NKAIN2: variants seen among roughly 807,000 people sequenced by gnomAD.
NKAIN2 encodes sodium/potassium-transporting ATPase subunit beta-1-interacting protein 2.
Under a neutral mutation model 32.6 loss-of-function variants are expected in NKAIN2, and 14 were observed. The ratio of observed to expected loss-of-function variants is 0.43; its 90% CI spans 0.28 to 0.67. NKAIN2 has a LOEUF of 0.67. Ranked by LOEUF, NKAIN2 falls within the 30% of genes least tolerant of loss-of-function variation. The pLI is 0.17. For missense variants in NKAIN2, 198 were observed against 258.3 expected, an observed-to-expected ratio of 0.77 and a Z score of 1.60; for synonymous variants, 80 against 87.2, an observed-to-expected ratio of 0.92 and a Z score of 0.46.
chr6:124,547,177 A>T (rs1361167255), intron 3 of NKAIN2, among the ~76,000 whole-genome samples: 1 of 152,218 alleles, frequency 6.6e-6, no homozygotes, highest in Non-Finnish European at 1.5e-5. Flanking sequence ...TTTAAAGACA[A>T]AGTGAGAAAC....
chr6:124,136,742 T>G (rs1786811980), intron 1 of NKAIN2, among the ~76,000 whole-genome samples: 1 of 151,988 alleles, frequency 6.6e-6, no homozygotes, highest in Non-Finnish European at 1.5e-5. Flanking sequence ...ATAAACAGAA[T>G]TAAAAACAAA....
intron 1 of NKAIN2, among the ~76,000 whole-genome samples, chr6:124,024,635 A>G (rs1212999038): frequency 6.6e-6 from 1 of 151,914 alleles, no homozygotes; most frequent in Non-Finnish European, 1.5e-5. Context: ...ATGTTATAAT[A>G]GCCGTGATTA....
chr6:124,226,128 A>G (rs1792093366), intron 1 of NKAIN2, among the ~76,000 whole-genome samples: 1 of 151,932 alleles, frequency 6.6e-6, no homozygotes, highest in African/African-American at 2.4e-5. Flanking sequence ...TTTACTACAA[A>G]AAGCTTGGAA....
intron 1 of NKAIN2, among the ~76,000 whole-genome samples, chr6:124,135,442 G>A (rs1262359792): frequency 1.4e-5 from 2 of 142,102 alleles, no homozygotes; most frequent in Non-Finnish European, 3.0e-5. Context: ...GATATTCCAC[G>A]CAAATGAAAA....
intron 3 of NKAIN2, among the ~76,000 whole-genome samples, chr6:124,573,745 A>T (rs2114923789): frequency 6.6e-6 from 1 of 152,326 alleles, no homozygotes; most frequent in South Asian, 2.1e-4. Flanking sequence ...CTACATATAT[A>T]TGAATGATGT....
chr6:124,535,519 C>A (rs571706915), intron 3 of NKAIN2, among the ~76,000 whole-genome samples: 1 of 152,278 alleles, frequency 6.6e-6, no homozygotes, highest in African/African-American at 2.4e-5. Context: ...AAAGAGTAAA[C>A]AAAGCCAACG....
At chr6:124,095,885 G>A (rs908637790) in intron 1 of NKAIN2, among the ~76,000 whole-genome samples, 1 of 152,138 alleles carries the variant, frequency 6.6e-6, no homozygotes, top group Non-Finnish European at 1.5e-5. Flanking sequence ...TCAAATCAAA[G>A]TTTCAATCTT....
chr6:124,566,935 A>G (rs1458231646), intron 3 of NKAIN2, among the ~76,000 whole-genome samples: 1 of 152,162 alleles, frequency 6.6e-6, no homozygotes, highest in African/African-American at 2.4e-5. Context: ...AAGTTTGTAA[A>G]ACACTCATCA....
intron 1 of NKAIN2, among the ~76,000 whole-genome samples, chr6:124,273,840 G>C (rs1303876016): frequency 6.6e-6 from 1 of 152,148 alleles, no homozygotes; most frequent in Admixed American, 6.5e-5. Context: ...GAAATTCAAG[G>C]TTAAATGGAC....
At chr6:123,956,636 G>A (rs917849085) in intron 1 of NKAIN2, among the ~76,000 whole-genome samples, 5 of 152,170 alleles carry the variant, frequency 3.3e-5, no homozygotes, top group Admixed American at 1.3e-4. Flanking sequence ...ATGGCAGCCT[G>A]AGCTGATGAA....
chr6:124,139,571 G>A (rs1201430283), intron 1 of NKAIN2, among the ~76,000 whole-genome samples: 1 of 152,070 alleles, frequency 6.6e-6, no homozygotes, highest in Non-Finnish European at 1.5e-5. Flanking sequence ...TAGAAAAAGA[G>A]TTTCACTTAA....
intron 2 of NKAIN2, among the ~76,000 whole-genome samples, chr6:124,311,462 C>T (rs1361795359): frequency 6.6e-6 from 1 of 151,956 alleles, no homozygotes; most frequent in Admixed American, 6.6e-5. Flanking sequence ...TCTGGGCCAC[C>T]CTGAAAATAT....
chr6:124,572,267 T>G (rs1781155934), intron 3 of NKAIN2, among the ~76,000 whole-genome samples: 1 of 152,220 alleles, frequency 6.6e-6, no homozygotes, highest in Non-Finnish European at 1.5e-5. Flanking sequence ...AAAATGCTAA[T>G]TTCTTCCAAT....
chr6:123,877,083 T>A (rs1055436138), intron 1 of NKAIN2, among the ~76,000 whole-genome samples: 1 of 152,188 alleles, frequency 6.6e-6, no homozygotes, highest in Non-Finnish European at 1.5e-5. Context: ...AAAATTATAA[T>A]AACAATTAGA....
chr6:124,571,053 G>C (rs1166558840), intron 3 of NKAIN2, among the ~76,000 whole-genome samples: 1 of 149,524 alleles, frequency 6.7e-6, no homozygotes, highest in African/African-American at 2.6e-5. Flanking sequence ...AATTTGACTG[G>C]CTCACTGGAT....
chr6:124,068,261 T>C (rs749633464), intron 1 of NKAIN2, among the ~76,000 whole-genome samples: 1 of 152,170 alleles, frequency 6.6e-6, no homozygotes, highest in Non-Finnish European at 1.5e-5. Flanking sequence ...TAATGTATAA[T>C]ACACTCACTC....
chr6:123,950,112 AC>A lies in NKAIN2; in HGVS notation c.54+145860del, dbSNP rs536187996. On this transcript the variant is annotated intron_variant, in intron 1 of 6. Coordinates refer to ENST00000368417, the MANE Select transcript of NKAIN2 (RefSeq NM_001040214.3). The stretch of plus-strand genomic sequence containing the variant: ...ATGTTGATTGATTTTCATATGTAGA[AC>A]CATCCTTGCATCACTGGGATAAATC... Among the ~76,000 whole-genome samples the A allele has an allele frequency of 9.4e-4, 143 of 152,162 alleles. 1 individual carries two copies. The highest frequency in any genetic ancestry group is 3.3e-3 in the African/African-American group (138 of 41,558).
At chr6:123,997,085 C>T (rs1779649874) in intron 1 of NKAIN2, among the ~76,000 whole-genome samples, 2 of 152,244 alleles carry the variant, frequency 1.3e-5, no homozygotes, top group South Asian at 4.1e-4. Context: ...ACTTTCAGCA[C>T]ACAACAACTA....
At chr6:124,243,515 A>G (rs183086538) in intron 1 of NKAIN2, among the ~76,000 whole-genome samples, 1 of 152,096 alleles carries the variant, frequency 6.6e-6, no homozygotes, top group Admixed American at 6.6e-5. Context: ...GAAAGAAAAA[A>G]AAAAAGAAGG....
Sources: allele counts gnomAD v4.1 joint callset (sites outside exome capture counted in the v4.1 genomes callset), GRCh38; gene constraint gnomAD v4.1.1; transcripts MANE v1.5; gene names NCBI Gene and HGNC (gene_info 2026-07-23, HGNC 2026-07-21).